PIK3R3: variants seen among roughly 807,000 people sequenced by gnomAD.
PIK3R3 encodes the protein phosphatidylinositol 3-kinase regulatory subunit gamma.
A neutral mutation model predicts 62.9 loss-of-function variants in PIK3R3; 64 were observed. That is an observed-to-expected ratio of 1.02 (90% confidence interval 0.83 to 1.25). The LOEUF (loss-of-function observed/expected upper bound fraction) is 1.25, where lower values mean the gene tolerates loss of function less well. PIK3R3 is among the 50% of genes most tolerant of loss of function. The pLI, the probability that PIK3R3 is intolerant of heterozygous loss-of-function variation, is 0.00. For synonymous variants in PIK3R3, 165 were observed against 189.0 expected, an observed-to-expected ratio of 0.87 and a Z score of 1.04; for missense variants, 614 against 561.6, an observed-to-expected ratio of 1.09 and a Z score of -0.94.
At chr1:46,138,203 A>G in the PIK3R3 span, among the ~76,000 whole-genome samples, 4 of 152,292 alleles carry the variant, frequency 2.6e-5, no homozygotes, top group East Asian at 5.8e-4. Flanking sequence ...TCCTGTGGTC[A>G]TTATTTCAAT....
At chr1:46,068,692 C>T (rs1299117764) in intron 3 of PIK3R3, among the ~76,000 whole-genome samples, 2 of 152,116 alleles carry the variant, frequency 1.3e-5, no homozygotes, top group Admixed American at 6.6e-5. Flanking sequence ...GCGGTAAGGG[C>T]ATGCTTGGCA....
intron 1 of PIK3R3, among the ~76,000 whole-genome samples, chr1:46,117,021 A>T (rs1425323133): frequency 1.3e-5 from 2 of 152,190 alleles, no homozygotes; most frequent in East Asian, 3.9e-4. Flanking sequence ...GAACTTCAGC[A>T]CATAAAGTAA....
At chr1:46,162,820 A>G in the PIK3R3 span, among the ~76,000 whole-genome samples, 1 of 152,078 alleles carries the variant, frequency 6.6e-6, no homozygotes, top group Admixed American at 6.6e-5. Flanking sequence ...ATGAGGTTTC[A>G]CCATGTTAGT....
intron 1 of PIK3R3, among the ~76,000 whole-genome samples, chr1:46,127,542 T>C (rs915134739): frequency 6.6e-6 from 1 of 152,100 alleles, no homozygotes; most frequent in African/African-American, 2.4e-5. Flanking sequence ...TACAACCTTT[T>C]GTGTATGAGT....
At chr1:46,046,740 C>G in intron 7 of PIK3R3, 115 bp from the exon 8 acceptor site, 1 of 680,676 alleles carries the variant, frequency 1.5e-6, no homozygotes, top group East Asian at 2.7e-5. Context: ...TTTCCTAATC[C>G]CACAGAATGG....
chr1:46,050,115 C>A, intron 7 of PIK3R3, among the ~76,000 whole-genome samples: 1 of 122,150 alleles, frequency 8.2e-6, no homozygotes. Context: ...GAGTGAAACT[C>A]TGTCTCAAAA....
chr1:46,142,790 A>C, the PIK3R3 span, among the ~76,000 whole-genome samples: 1 of 152,296 alleles, frequency 6.6e-6, no homozygotes, highest in South Asian at 2.1e-4. Context: ...ATGAAGCTAC[A>C]GGGTAGGCAT....
the PIK3R3 span, among the ~76,000 whole-genome samples, chr1:46,145,236 C>T: frequency 6.6e-6 from 1 of 151,556 alleles, no homozygotes; most frequent in East Asian, 1.9e-4. Flanking sequence ...CCTTTTTCTT[C>T]CTACCCTTGG....
chr1:46,127,742 T>C (rs576704025), intron 1 of PIK3R3, among the ~76,000 whole-genome samples: 1 of 152,334 alleles, frequency 6.6e-6, no homozygotes, highest in East Asian at 1.9e-4. Context: ...GTTGTTGTTT[T>C]TTGTAGAAAT....
At chr1:46,055,019 C>T (rs1647744858) in intron 7 of PIK3R3, among the ~76,000 whole-genome samples, 1 of 152,122 alleles carries the variant, frequency 6.6e-6, no homozygotes, top group African/African-American at 2.4e-5. Context: ...TCTCCTACCT[C>T]AGCCTCCCAA....
intron 9 of PIK3R3, among the ~76,000 whole-genome samples, chr1:46,045,065 A>C (rs995549898): frequency 2.0e-5 from 3 of 152,250 alleles, no homozygotes; most frequent in Admixed American, 6.5e-5. Context: ...TCATATTAGT[A>C]GGTGACATTT....
intron 1 of PIK3R3, 179 bp downstream of exon 1, chr1:46,131,668 C>T (rs774931380): frequency 2.0e-6 from 1 of 491,798 alleles, no homozygotes; most frequent in Non-Finnish European, 3.9e-6. Flanking sequence ...GGATCAGGGT[C>T]CTAACTGCAA....
the PIK3R3 span, among the ~76,000 whole-genome samples, chr1:46,150,573 T>G: frequency 2.0e-5 from 3 of 152,216 alleles, no homozygotes; most frequent in Non-Finnish European, 4.4e-5. Flanking sequence ...GCCCCATTCT[T>G]GGAGAGAGAA....
the PIK3R3 span, among the ~76,000 whole-genome samples, chr1:46,152,851 C>T: frequency 8.5e-5 from 13 of 152,272 alleles, no homozygotes; most frequent in East Asian, 1.2e-3. Flanking sequence ...CATGAGCCAC[C>T]GCGCCCAGCC....
chr1:46,169,415 T>C, the PIK3R3 span, among the ~76,000 whole-genome samples: 1 of 152,164 alleles, frequency 6.6e-6, no homozygotes, highest in East Asian at 1.9e-4. Context: ...TATTCCCTAT[T>C]CCCTGCATTC....
chr1:46,094,859 G>A (rs1227865293), intron 1 of PIK3R3, among the ~76,000 whole-genome samples: 2 of 152,196 alleles, frequency 1.3e-5, no homozygotes, highest in Non-Finnish European at 2.9e-5. Context: ...AATTTGGATC[G>A]TATGTTACTG....
In PIK3R3 at chr1:46,041,526, T is replaced by A. The variant is rs1158424683; in HGVS notation, c.*2147A>T. 1 of 176,936 alleles carries A rather than the reference T, an allele frequency of 5.7e-6. No individual in the cohort carries two copies. The highest frequency in any genetic ancestry group is 2.4e-5 in the African/African-American group (1 of 42,208). 11.0% of individuals were successfully genotyped at this position (176,936 alleles called of 1,614,324 possible). ...CATTACTGAATACTACAGCCCTGTATCTGTATTTCCATTTTGGTTTAAAAG... is the reference window on the plus strand; with the variant it reads ...CATTACTGAATACTACAGCCCTGTAACTGTATTTCCATTTTGGTTTAAAAG... On this transcript the variant is annotated 3_prime_UTR_variant, in exon 10 of 10. Coordinates refer to ENST00000262741, the MANE Select transcript of PIK3R3 (RefSeq NM_003629.4).
the PIK3R3 span, among the ~76,000 whole-genome samples, chr1:46,139,867 C>T: frequency 2.0e-5 from 3 of 152,208 alleles, no homozygotes; most frequent in Non-Finnish European, 4.4e-5. Flanking sequence ...ATGGAGGAAT[C>T]TAGCTCAGTA....
the PIK3R3 span, among the ~76,000 whole-genome samples, chr1:46,142,126 C>T: frequency 2.0e-5 from 3 of 152,166 alleles, no homozygotes; most frequent in East Asian, 3.8e-4. Flanking sequence ...TGCTTCCTTG[C>T]CTTCCTTTCT....
Sources: allele counts gnomAD v4.1 joint callset (sites outside exome capture counted in the v4.1 genomes callset), GRCh38; gene constraint gnomAD v4.1.1; transcripts MANE v1.5; gene names NCBI Gene and HGNC (gene_info 2026-07-23, HGNC 2026-07-21).